The following SLC22A31 variants were observed in gnomAD, a reference collection of about 807,000 sequenced individuals.
SLC22A31 encodes putative solute carrier family 22 member 31.
SLC22A31 carries 42 observed loss-of-function variants against 27.4 expected under a neutral mutation model. The ratio of observed to expected loss-of-function variants is 1.53; its 90% CI spans 1.20 to 1.98. The LOEUF (loss-of-function observed/expected upper bound fraction) is 1.98, where lower values mean the gene tolerates loss of function less well. Among genes scored for constraint, SLC22A31 ranks in the 30% most tolerant of loss-of-function variants. SLC22A31 has a pLI of 0.00. For synonymous variants in SLC22A31, 290 were observed against 230.8 expected, an observed-to-expected ratio of 1.26 and a Z score of -2.33; for missense variants, 593 against 479.9, an observed-to-expected ratio of 1.24 and a Z score of -2.20.
upstream of SLC22A31, among the ~76,000 whole-genome samples, chr16:89,200,717 C>A (rs531267841): frequency 1.3e-5 from 2 of 152,294 alleles, no homozygotes; most frequent in African/African-American, 2.4e-5. Flanking sequence ...TCAGCCCCAG[C>A]GCGGAAAGGC....
upstream of SLC22A31, chr16:89,200,981 C>G (rs185918412): frequency 5.7e-6 from 2 of 349,016 alleles, no homozygotes; most frequent in Non-Finnish European, 1.0e-5. Context: ...CCTGCTCCCC[C>G]ACCGGCGCCT....
upstream of SLC22A31, chr16:89,201,097 C>G: frequency 5.3e-6 from 2 of 374,170 alleles, no homozygotes; most frequent in Non-Finnish European, 9.5e-6. Flanking sequence ...CCGTGCGCGC[C>G]CGTCTGCGGC....
chr16:89,200,666 G>A (rs968292556), upstream of SLC22A31, among the ~76,000 whole-genome samples: 1 of 152,184 alleles, frequency 6.6e-6, no homozygotes, highest in Non-Finnish European at 1.5e-5. Flanking sequence ...GATGGGGGAT[G>A]GGGGCCTCGG....
rs1186785893 is a variant in SLC22A31, at chr16:89,199,247, C to T, written c.284-56G>A. The stretch of plus-strand genomic sequence containing the variant: ...GCCTCGGGGAGGACTGGAACAGTTC[C>T]ATTGGGAACTGCGGGGACCTATTGG... On this transcript the variant is annotated intron_variant, in intron 3 of 8. Coordinates refer to ENST00000682282, the MANE Select transcript of SLC22A31 (RefSeq NM_001384763.1). 23 of 1,460,588 alleles carry T rather than the reference C, an allele frequency of 1.6e-5. No homozygotes were observed. The East Asian group carries it at 5.0e-4, about 32-fold the overall frequency. The allele number at this position is 1,460,588 out of a possible 1,614,324, so 90.5% of individuals were successfully genotyped here.
Position 89,198,279 on chromosome 16 carries a change from C to G in SLC22A31, c.765G>C (p.Pro255=), listed in dbSNP as rs918550524. 8.5e-6 allele frequency: 13 copies of G among 1,535,814 alleles called. No individual in the cohort carries two copies. The highest frequency in any genetic ancestry group is 2.4e-5 in the East Asian group (1 of 40,926). ...CCAGGAAGTAGGGCAGGTAGAAGGT[C>G]GGCACCTGAGGTGCCAGGCTGCGGC... ...SFRRSLAPQV[P]TFYLPYFLEA... The change falls in exon 7 of 9, where the codon CCG becomes CCC. Residue 255 remains proline, a synonymous_variant. Transcript: ENST00000682282.
chr16:89,201,346 G>C (rs1916598210), upstream of SLC22A31: 1 of 220,286 alleles, frequency 4.5e-6, no homozygotes, highest in South Asian at 3.1e-4. Context: ...CGTTGCGTGC[G>C]GGCGCGGGGC....
intron 1 of SLC22A31, 125 bp from the exon 2 acceptor site, chr16:89,199,941 AG>A (rs1284397875): frequency 1.7e-4 from 67 of 399,334 alleles, no homozygotes; most frequent in Middle Eastern, 4.1e-4. Flanking sequence ...CGTGGAGAGA[AG>A]GGGAAACTGA....
chr16:89,199,200 A>T lies in SLC22A31; in HGVS notation c.284-9T>A. Reference sequence around the variant, plus strand: ...GTCACACAACTCCAGGCCTGGGCAGACACAGACAGGTTGAAGTGGAGGCCT... The same window carrying T: ...GTCACACAACTCCAGGCCTGGGCAGTCACAGACAGGTTGAAGTGGAGGCCT... On this transcript the variant is annotated splice_polypyrimidine_tract_variant and intron_variant, in intron 3 of 8. Transcript: ENST00000682282. 6.6e-7 allele frequency: 1 copy of T among 1,520,030 alleles called. No individual in the cohort carries two copies. The highest frequency in any genetic ancestry group is 1.2e-5 in the South Asian group (1 of 82,998). The allele number at this position is 1,520,030 out of a possible 1,614,324, so 94.2% of individuals were successfully genotyped here. A position where few individuals can be genotyped will look rare whatever the true frequency, so the allele number is the denominator to read the frequency against.
At position 89,198,243 on chromosome 16, in the gene SLC22A31, C is replaced by G; in HGVS notation, c.801G>C (p.Leu267=). 1 of 1,535,922 alleles carries G rather than the reference C, an allele frequency of 6.5e-7. No homozygotes were observed. The highest frequency in any genetic ancestry group is 8.7e-7 in the Non-Finnish European group (1 of 1,146,878). Residue 267 remains leucine (L), a synonymous_variant, in exon 7 of 9, where the codon CTG becomes CTC. Transcript: ENST00000682282. ...FYLPYFLEAG[L]EAAALVFLLL... ...GCAGGAAGACCAAGGCTGCCGCCTC[C>G]AGGCCGGCCTCCAGGAAGTAGGGCA... is the stretch of plus-strand genomic sequence containing the variant.
rs1447628266 is a variant in SLC22A31, at chr16:89,199,750, G to A, written c.91C>T (p.Leu31=). 12 of 404,356 alleles carry A rather than the reference G, an allele frequency of 3.0e-5. No homozygotes were observed. In the Admixed American group the frequency reaches 4.7e-4, roughly 16 times the overall value. 25.0% of individuals were successfully genotyped at this position (404,356 alleles called of 1,614,324 possible). A position where few individuals can be genotyped will look rare whatever the true frequency, so the allele number is the denominator to read the frequency against. ...LEQVSHLLGW[L]LGCVILGAGC... is the part of the protein sequence containing the mutation. ...GCTCCCAGGATGACACAGCCCAGCAGCCAGCCCAGGAGGTGGCTCACCTGC... is the reference window on the plus strand; with the variant it reads ...GCTCCCAGGATGACACAGCCCAGCAACCAGCCCAGGAGGTGGCTCACCTGC... Residue 31 remains leucine (L), a synonymous_variant, in exon 2 of 9, where the codon CTG becomes TTG. Transcript: ENST00000682282.
In SLC22A31 at chr16:89,195,906, T is replaced by C; in HGVS notation, c.*93A>G. The C allele has an allele frequency of 6.0e-6, 8 of 1,330,526 alleles. No homozygotes were observed. Among genetic ancestry groups the C allele is most frequent in the East Asian group, 5.2e-5 (2 of 38,308 alleles). The allele number at this position is 1,330,526 out of a possible 1,614,324, so 82.4% of individuals were successfully genotyped here. ...CTGAGACACGGGCTTCTGAGAGGAA[T>C]GTGTCTGCCCTGGACCAGACGTCTG... is the stretch of plus-strand genomic sequence containing the variant. On this transcript the variant is annotated 3_prime_UTR_variant, in exon 9 of 9. Transcript: ENST00000682282.
chr16:89,198,944 C>CA, intron 4 of SLC22A31, 79 bp downstream of exon 4: 3 of 1,500,932 alleles, frequency 2.0e-6, no homozygotes, highest in Non-Finnish European at 2.7e-6. Flanking sequence ...GTTTACCTGG[C>CA]ATGGGATACG....
chr16:89,200,373 A>T (rs1270988412), intron 1 of SLC22A31, 105 bp downstream of exon 1: 1 of 152,566 alleles, frequency 6.6e-6, no homozygotes, highest in Non-Finnish European at 1.5e-5. Context: ...CCTTGACCTC[A>T]GCTCTGCGCC....
intron 8 of SLC22A31, chr16:89,196,536 A>G (rs1915944522): frequency 2.8e-6 from 2 of 726,402 alleles, no homozygotes; most frequent in African/African-American, 1.8e-5. Context: ...GTGACTCCAG[A>G]GTGAGCAGGG....
In SLC22A31 at chr16:89,196,240, G is replaced by T; in HGVS notation, c.1100C>A (p.Thr367Asn). ...GAAGAAGCCCTGCCGGCCGTGCAGG[G>T]TGTCCAGGGGGCCGGCTGCCTGGCC... ...FLGQAAGPLDTLHGRQGFFLQ... is the reference protein window; with the variant it reads ...FLGQAAGPLDNLHGRQGFFLQ... Residue 367 changes from threonine to asparagine, a missense_variant, in exon 9 of 9, where the codon ACC becomes AAC. By Grantham distance (65) the Thr-to-Asn change is moderately conservative. Transcript: ENST00000682282. The T allele has an allele frequency of 6.5e-7, 1 of 1,534,086 alleles. No homozygotes were observed. Among genetic ancestry groups the T allele is most frequent in the Non-Finnish European group, 8.7e-7 (1 of 1,146,348 alleles).
intron 7 of SLC22A31, among the ~76,000 whole-genome samples, chr16:89,197,877 C>T (rs897423241): frequency 6.6e-6 from 1 of 152,248 alleles, no homozygotes; most frequent in Non-Finnish European, 1.5e-5. Context: ...GCCTCTTGAC[C>T]TCTCATGCCT....
chr16:89,198,628 C>T (rs1463707662), intron 5 of SLC22A31, 24 bp downstream of exon 5: 4 of 1,531,946 alleles, frequency 2.6e-6, no homozygotes, highest in Non-Finnish European at 3.5e-6. Context: ...CCTGAATCTC[C>T]CTCCTCCCTG....
intron 7 of SLC22A31, 114 bp downstream of exon 7, chr16:89,198,008 G>A (rs990100531): frequency 6.2e-6 from 7 of 1,130,534 alleles, no homozygotes; most frequent in African/African-American, 3.1e-5. Context: ...ACAGCAGCTG[G>A]CCTTGGGCTG....
At chr16:89,200,092 C>T (rs1225843481) in intron 1 of SLC22A31, 1 of 326,858 alleles carries the variant, frequency 3.1e-6, no homozygotes, top group Non-Finnish European at 5.5e-6. Flanking sequence ...CACCTCCGCA[C>T]ACCATTGCTC....
Sources: allele counts gnomAD v4.1 joint callset (sites outside exome capture counted in the v4.1 genomes callset), GRCh38; gene constraint gnomAD v4.1.1; transcripts MANE v1.5; gene names NCBI Gene and HGNC (gene_info 2026-07-23, HGNC 2026-07-21).